CHN2: variants seen among roughly 807,000 people sequenced by gnomAD.
The protein encoded by CHN2 is beta-chimaerin.
A neutral mutation model predicts 56.3 loss-of-function variants in CHN2; 35 were observed. The observed-to-expected ratio is 0.62, with a 90% CI of 0.47 to 0.82. CHN2 has a LOEUF of 0.82. Ranked by LOEUF, CHN2 falls within the 40% of genes least tolerant of loss-of-function variation. The pLI, the probability that CHN2 is intolerant of heterozygous loss-of-function variation, is 0.00. For synonymous variants in CHN2, 210 were observed against 212.8 expected (o/e 0.99, Z 0.12); for missense variants, 491 against 580.5 (o/e 0.85, Z 1.58).
intron 6 of CHN2, chr7:29,479,922 T>A (rs1470580504): frequency 1.4e-6 from 2 of 1,437,346 alleles, no homozygotes; most frequent in African/African-American, 2.9e-5. Flanking sequence ...AGGCCCATCC[T>A]TATTCAGAAG....
chr7:29,203,058 A>C (rs1312592861), intron 1 of CHN2, among the ~76,000 whole-genome samples: 2 of 152,220 alleles, frequency 1.3e-5, no homozygotes, highest in Admixed American at 6.5e-5. Context: ...CTGAATTGAG[A>C]TGTGCTACAA....
intron 1 of CHN2, among the ~76,000 whole-genome samples, chr7:29,340,343 C>A (rs113254832): frequency 6.0e-5 from 9 of 150,802 alleles, no homozygotes; most frequent in Non-Finnish European, 1.3e-4. Flanking sequence ...ATTCAGAAAT[C>A]TTTTGGGGGA....
At chr7:29,191,912 C>T (rs1231531960), upstream of CHN2, 3 of 152,244 alleles carry the variant, frequency 2.0e-5, no homozygotes, top group Admixed American at 6.5e-5. Flanking sequence ...TGATAACTTA[C>T]TGATACTAAA....
intron 3 of CHN2, among the ~76,000 whole-genome samples, chr7:29,375,375 T>C (rs1799992948): frequency 6.6e-6 from 1 of 150,976 alleles, no homozygotes; most frequent in Non-Finnish European, 1.5e-5. Flanking sequence ...TTTGTATTTT[T>C]AGTAGAGACA....
intron 8 of CHN2, among the ~76,000 whole-genome samples, chr7:29,498,324 C>A (rs1023511102): frequency 6.6e-6 from 1 of 152,158 alleles, no homozygotes; most frequent in Non-Finnish European, 1.5e-5. Context: ...CAACAGGAAA[C>A]CCAGCCAACT....
chr7:29,252,597 T>TTGTTTTTTTTTTTG (rs1788704821), intron 1 of CHN2, among the ~76,000 whole-genome samples: 1 of 43,800 alleles, frequency 2.3e-5, no homozygotes, highest in Non-Finnish European at 4.0e-5. Context: ...TTTTTTTTTT[T>TTGTTTTTTTTTTTG]TTTTTTTTTG....
intron 3 of CHN2, among the ~76,000 whole-genome samples, chr7:29,380,492 T>C (rs950516983): frequency 6.6e-6 from 1 of 152,224 alleles, no homozygotes; most frequent in Admixed American, 6.5e-5. Context: ...TGTTCTCCTT[T>C]CTTTTTCTTT....
chr7:29,293,178 C>T (rs945873731), intron 1 of CHN2, among the ~76,000 whole-genome samples: 2 of 152,192 alleles, frequency 1.3e-5, no homozygotes, highest in African/African-American at 4.8e-5. Flanking sequence ...AGGTGATTGT[C>T]CCTGCTGCTG....
intron 1 of CHN2, among the ~76,000 whole-genome samples, chr7:29,326,182 G>A (rs1043490772): frequency 4.0e-5 from 6 of 151,798 alleles, no homozygotes; most frequent in East Asian, 1.9e-4. Flanking sequence ...TTTTTGAGAC[G>A]GAGTCTCACT....
chr7:29,393,752 A>C (rs1801528336), intron 4 of CHN2, 42 bp downstream of exon 4: 1 of 669,526 alleles, frequency 1.5e-6, no homozygotes, highest in Non-Finnish European at 2.2e-6. Flanking sequence ...TTTAATAAGT[A>C]GTCATTTCAT....
intron 2 of CHN2, among the ~76,000 whole-genome samples, chr7:29,161,192 T>C (rs1795130497): frequency 6.6e-6 from 1 of 152,176 alleles, no homozygotes; most frequent in Admixed American, 6.5e-5. Context: ...ACATTAGCCT[T>C]GACCAGGCTC....
intron 1 of CHN2, among the ~76,000 whole-genome samples, chr7:29,315,148 C>T (rs1794871812): frequency 6.6e-6 from 1 of 151,892 alleles, no homozygotes; most frequent in Admixed American, 6.6e-5. Context: ...TGTGGATTAC[C>T]TGAGAAACAA....
intron 1 of CHN2, among the ~76,000 whole-genome samples, chr7:29,295,314 A>AACACACAC (rs58693628): frequency 0.042 from 6,087 of 144,984 alleles, 168 homozygotes; most frequent in Middle Eastern, 0.079. Flanking sequence ...TTTAGCTGTG[A>AACACACAC]ACACACACAC....
intron 6 of CHN2, 191 bp from the exon 7 acceptor site, chr7:29,480,088 G>T: frequency 6.4e-7 from 1 of 1,550,994 alleles, no homozygotes; most frequent in African/African-American, 1.4e-5. Flanking sequence ...GAGCAAACTG[G>T]AAAGAGCTGG....
At chr7:29,152,734 G>T (rs1454531815) in intron 2 of CHN2, among the ~76,000 whole-genome samples, 1 of 152,230 alleles carries the variant, frequency 6.6e-6, no homozygotes, top group Non-Finnish European at 1.5e-5. Context: ...GGTTGGAAGA[G>T]TTAACGCCAT....
chr7:29,305,318 A>T (rs1353982504), intron 1 of CHN2, among the ~76,000 whole-genome samples: 2 of 152,132 alleles, frequency 1.3e-5, no homozygotes, highest in African/African-American at 4.8e-5. Context: ...ATGTCAGGCA[A>T]CCCCATTACG....
intron 1 of CHN2, among the ~76,000 whole-genome samples, chr7:29,319,536 G>T (rs780133645): frequency 5.3e-5 from 8 of 152,228 alleles, no homozygotes; most frequent in Non-Finnish European, 8.8e-5. Flanking sequence ...AACATCCTGT[G>T]GACACTGTTC....
intron 6 of CHN2, among the ~76,000 whole-genome samples, chr7:29,424,249 A>T (rs1418474878): frequency 6.6e-6 from 1 of 152,184 alleles, no homozygotes; most frequent in Non-Finnish European, 1.5e-5. Flanking sequence ...ACATTGCTTT[A>T]ACATATCTTT....
At chr7:29,458,096 T>C (rs1024195661) in intron 6 of CHN2, among the ~76,000 whole-genome samples, 1 of 152,240 alleles carries the variant, frequency 6.6e-6, no homozygotes, top group African/African-American at 2.4e-5. Context: ...GCCCCTGTTA[T>C]TGTATGTCAC....
Sources: allele counts gnomAD v4.1 joint callset (sites outside exome capture counted in the v4.1 genomes callset), GRCh38; gene constraint gnomAD v4.1.1; transcripts MANE v1.5; gene names NCBI Gene and HGNC (gene_info 2026-07-23, HGNC 2026-07-21).